The following ZC3HC1 variants were observed in gnomAD, a reference collection of about 807,000 sequenced individuals.
The protein encoded by ZC3HC1 is zinc finger C3HC-type protein 1.
ZC3HC1 carries 38 observed loss-of-function variants against 61.9 expected under a neutral mutation model. The ratio of observed to expected loss-of-function variants is 0.61; its 90% confidence interval spans 0.47 to 0.81. The LOEUF is 0.81. Among genes scored for constraint, ZC3HC1 ranks in the 30% least tolerant of loss-of-function variants. The pLI, the probability that ZC3HC1 is intolerant of heterozygous loss-of-function variation, is 0.00. For missense variants in ZC3HC1, 554 were observed against 622.7 expected, an observed-to-expected ratio of 0.89 and a Z score of 1.17; for synonymous variants, 213 against 229.9, an observed-to-expected ratio of 0.93 and a Z score of 0.67.
At position 130,023,058 on chromosome 7, in the gene ZC3HC1, A is replaced by G; in HGVS notation, c.1233+453T>C. ...GAAAACAAGCTGCAGGTTCCCACTG[A>G]CTCTATATTATGGTGAGTTGTACAA... On this transcript the variant is annotated intron_variant, in intron 8 of 9. Coordinates refer to ENST00000358303, the MANE Select transcript of ZC3HC1 (RefSeq NM_016478.5). The surrounding 1 kb of genome is among the most constrained non-coding windows in gnomAD (Gnocchi z 4.2). The G allele has an allele frequency of 5.8e-6, 1 of 171,360 alleles. No homozygotes were observed. The highest frequency in any genetic ancestry group is 1.3e-5 in the Non-Finnish European group (1 of 79,188). 10.6% of individuals were successfully genotyped at this position (171,360 alleles called of 1,614,324 possible).
intron 1 of ZC3HC1, chr7:130,050,315 G>A (rs908264072): frequency 3.6e-5 from 35 of 985,612 alleles, no homozygotes; most frequent in Non-Finnish European, 4.7e-5. Flanking sequence ...CTGACCTCGT[G>A]ATCTGCCCGC....
At chr7:130,018,884 A>G in intron 9 of ZC3HC1, 152 bp from the exon 10 acceptor site, 1 of 616,942 alleles carries the variant, frequency 1.6e-6, no homozygotes. Context: ...AAGTCAGACT[A>G]AAGATCGAGG....
chr7:130,044,217 T>A (rs1794786372), intron 2 of ZC3HC1, among the ~76,000 whole-genome samples: 1 of 152,180 alleles, frequency 6.6e-6, no homozygotes, highest in South Asian at 2.1e-4. Context: ...AGAGACAGGA[T>A]CTTGCTATGT....
At chr7:130,049,434 TCTC>T (rs1794988609) in intron 1 of ZC3HC1, among the ~76,000 whole-genome samples, 1 of 152,122 alleles carries the variant, frequency 6.6e-6, no homozygotes, top group African/African-American at 2.4e-5. Flanking sequence ...AGCAAACTAT[TCTC>T]CTCACTCACT....
chr7:130,037,169 G>A (rs954076359), intron 4 of ZC3HC1, among the ~76,000 whole-genome samples: 1 of 152,178 alleles, frequency 6.6e-6, no homozygotes, highest in Non-Finnish European at 1.5e-5. Flanking sequence ...GGCCAGGCGC[G>A]GGGGCTCACG....
intron 4 of ZC3HC1, among the ~76,000 whole-genome samples, chr7:130,032,009 AGG>A (rs1794218002): frequency 6.6e-6 from 1 of 152,162 alleles, no homozygotes; most frequent in Non-Finnish European, 1.5e-5. Context: ...GCGGATCACG[AGG>A]TCAGCAGTTC....
intron 5 of ZC3HC1, 39 bp from the exon 6 acceptor site, chr7:130,026,351 C>T: frequency 6.3e-7 from 1 of 1,583,076 alleles, no homozygotes. Context: ...TTTCAACCAC[C>T]ATAAAAAGAA....
At position 130,023,453 on chromosome 7, in the gene ZC3HC1, A is replaced by G; in HGVS notation, c.1233+58T>C. 1 of 1,549,908 alleles carries G rather than the reference A, an allele frequency of 6.5e-7. No individual in the cohort carries two copies. The highest frequency in any genetic ancestry group is 2.2e-5 in the East Asian group (1 of 44,538). Reference sequence around the variant, plus strand: ...TCCTGCCTGCTTCTCCATGCTGCCTAGGGAGGGCCCAATATGCTGTTTATG... The same window carrying G: ...TCCTGCCTGCTTCTCCATGCTGCCTGGGGAGGGCCCAATATGCTGTTTATG... On this transcript the variant is annotated intron_variant, in intron 8 of 9. Coordinates refer to ENST00000358303, the MANE Select transcript of ZC3HC1 (RefSeq NM_016478.5). The surrounding 1 kb of genome is among the most constrained non-coding windows in gnomAD (Gnocchi z 4.2).
intron 2 of ZC3HC1, among the ~76,000 whole-genome samples, chr7:130,048,143 G>GT (rs11364921): frequency 0.011 from 837 of 73,660 alleles, 11 homozygotes; most frequent in Middle Eastern, 0.016. Context: ...TTTCCTAGTT[G>GT]TTTTTTTTTT....
At chr7:130,018,948 C>T (rs1473599245) in intron 9 of ZC3HC1, among the ~76,000 whole-genome samples, 3 of 152,152 alleles carry the variant, frequency 2.0e-5, no homozygotes, top group Non-Finnish European at 2.9e-5. Context: ...CTCTAAGACA[C>T]GGCTCATATC....
At chr7:130,049,416 C>G (rs1794988147) in intron 1 of ZC3HC1, among the ~76,000 whole-genome samples, 1 of 152,190 alleles carries the variant, frequency 6.6e-6, no homozygotes. Flanking sequence ...CAGGGCTCCA[C>G]TAATCCTAGC....
chr7:130,049,703 C>G (rs984753554), intron 1 of ZC3HC1, among the ~76,000 whole-genome samples: 1 of 151,742 alleles, frequency 6.6e-6, no homozygotes, highest in African/African-American at 2.4e-5. Flanking sequence ...TACCACCAGG[C>G]GTGGGCCCGG....
intron 4 of ZC3HC1, among the ~76,000 whole-genome samples, chr7:130,032,780 G>GGAGGGAAGGGAA (rs1794270780): frequency 2.7e-4 from 7 of 26,088 alleles, no homozygotes; most frequent in Admixed American, 4.2e-4. Context: ...AGGGAAGGGA[G>GGAGGGAAGGGAA]GGAGGGGAGG....
intron 4 of ZC3HC1, among the ~76,000 whole-genome samples, chr7:130,034,900 T>C (rs774047241): frequency 6.6e-6 from 1 of 152,206 alleles, no homozygotes; most frequent in Non-Finnish European, 1.5e-5. Context: ...ATAACATCTC[T>C]TCCTTCAAAA....
At chr7:130,048,069 C>T (rs1263974909) in intron 2 of ZC3HC1, among the ~76,000 whole-genome samples, 1 of 151,602 alleles carries the variant, frequency 6.6e-6, no homozygotes, top group Non-Finnish European at 1.5e-5. Context: ...GCCCTCTGTC[C>T]AACAGACACA....
upstream of ZC3HC1, chr7:130,051,377 T>C (rs377372432): frequency 3.5e-5 from 56 of 1,612,416 alleles, no homozygotes; most frequent in Admixed American, 8.4e-5. Context: ...CTTGGTCCGC[T>C]GCCGAGTTGC....
intron 1 of ZC3HC1, chr7:130,050,338 A>T (rs1196043538): frequency 7.7e-7 from 1 of 1,301,310 alleles, no homozygotes; most frequent in South Asian, 1.3e-5. Context: ...CAGCCTCCTC[A>T]AAGTGCTGGG....
At position 130,021,064 on chromosome 7, in the gene ZC3HC1, A is replaced by AT. The variant is rs746887020; in HGVS notation, c.1440+1254dup. Among the ~76,000 whole-genome samples the AT allele has an allele frequency of 2.7e-3, 387 of 144,382 alleles. 1 individual carries two copies. Among genetic ancestry groups the AT allele is most frequent in the African/African-American group, 6.5e-3 (256 of 39,530 alleles). 94.7% of individuals were successfully genotyped at this position (144,382 alleles called of 152,430 possible). ...AGGCGCCTGCCACCACACATGGCAAATTTTTTTTTTTTTTGTATTTTGAGT... is the reference window on the plus strand; with the variant it reads ...AGGCGCCTGCCACCACACATGGCAAATTTTTTTTTTTTTTTGTATTTTGAGT... On this transcript the variant is annotated intron_variant, in intron 9 of 9. Transcript: ENST00000358303.
chr7:130,044,957 A>G (rs758342385), intron 2 of ZC3HC1, among the ~76,000 whole-genome samples: 4 of 152,236 alleles, frequency 2.6e-5, no homozygotes, highest in South Asian at 2.1e-4. Context: ...AATTCAAGAA[A>G]AAACTGAGGA....
Sources: gnomAD v4.1 joint callset for allele counts (sites outside exome capture counted in the v4.1 genomes callset) on GRCh38, gnomAD v4.1.1 for gene constraint, Gnocchi (gnomAD v3.1) non-coding constraint, MANE v1.5 for transcripts, NCBI Gene and HGNC (gene_info 2026-07-23, HGNC 2026-07-21) for gene names.